APBA1: variants seen among roughly 807,000 people sequenced by gnomAD.
APBA1 encodes amyloid beta precursor protein binding family A member 1.
APBA1 carries 55 observed loss-of-function variants against 86.6 expected under a neutral mutation model. That is an observed-to-expected ratio of 0.64 (90% confidence interval 0.51 to 0.80). APBA1 has a LOEUF of 0.80. APBA1 is among the 30% of genes least tolerant of loss of function. APBA1 has a pLI of 0.00. For synonymous variants in APBA1, 511 were observed against 493.9 expected, an observed-to-expected ratio of 1.03 and a Z score of -0.46; for missense variants, 1,090 against 1,183.0, an observed-to-expected ratio of 0.92 and a Z score of 1.15.
intron 1 of APBA1, among the ~76,000 whole-genome samples, chr9:69,635,001 T>C (rs1823126197): frequency 6.6e-6 from 1 of 152,104 alleles, no homozygotes; most frequent in African/African-American, 2.4e-5. Context: ...GAAAGAAAAG[T>C]ATGCTAATGA....
intron 1 of APBA1, among the ~76,000 whole-genome samples, chr9:69,586,189 C>A (rs781043575): frequency 5.3e-5 from 8 of 152,184 alleles, no homozygotes; most frequent in African/African-American, 1.9e-4. Context: ...GCTTCTAGGG[C>A]TTGGCCTTTA....
At chr9:69,630,293 T>C (rs1402389994) in intron 1 of APBA1, among the ~76,000 whole-genome samples, 1 of 152,114 alleles carries the variant, frequency 6.6e-6, no homozygotes, top group African/African-American at 2.4e-5. Context: ...GCCAGCAACA[T>C]GGGCAGGGAC....
rs75437831 is a variant in APBA1 at position 69,662,957 on chromosome 9, T to C, written c.-70+9196A>G. Among the ~76,000 whole-genome samples the C allele has an allele frequency of 3.4e-3, 521 of 152,364 alleles. 2 individuals carry two copies. Among genetic ancestry groups the C allele is most frequent in the Non-Finnish European group, 4.9e-3 (330 of 68,032 alleles). ...TCAAAAATAAAGTTTCTCTCTGTGA[T>C]TACTGCATCATTTGTCCATACCACC... On this transcript the variant is annotated intron_variant, in intron 1 of 12. Coordinates refer to ENST00000265381, the MANE Select transcript of APBA1 (RefSeq NM_001163.4).
intron 3 of APBA1, among the ~76,000 whole-genome samples, chr9:69,473,433 TGA>T (rs1239875416): frequency 6.6e-6 from 1 of 152,212 alleles, no homozygotes; most frequent in African/African-American, 2.4e-5. Context: ...CCTGGGGTAA[TGA>T]GAGTTTGTTT....
chr9:69,660,622 C>T (rs1388777252), intron 1 of APBA1, among the ~76,000 whole-genome samples: 3 of 152,242 alleles, frequency 2.0e-5, no homozygotes, highest in South Asian at 2.1e-4. Context: ...TATTTAATCA[C>T]AAAATCTTAA....
In APBA1 at chr9:69,616,593, C is replaced by T. The variant is rs1048382464; in HGVS notation, c.-70+55560G>A. Among the ~76,000 whole-genome samples the T allele has an allele frequency of 2.0e-5, 3 of 152,266 alleles. No individual in the cohort carries two copies. In the East Asian group the frequency reaches 5.8e-4, roughly 29 times the overall value. Reference sequence around the variant, plus strand: ...AGCACTTTGAAATGAGAGCTAATGCCTACAGAACAGATAAAATTGAACTTA... The same window carrying T: ...AGCACTTTGAAATGAGAGCTAATGCTTACAGAACAGATAAAATTGAACTTA... On this transcript the variant is annotated intron_variant, in intron 1 of 12. Transcript: ENST00000265381.
intron 1 of APBA1, among the ~76,000 whole-genome samples, chr9:69,638,499 C>T (rs1170840151): frequency 6.6e-6 from 1 of 152,162 alleles, no homozygotes; most frequent in Non-Finnish European, 1.5e-5. Flanking sequence ...CCTCGACCTC[C>T]CAAAGTGCTG....
chr9:69,643,307 C>T (rs1274285479), intron 1 of APBA1, among the ~76,000 whole-genome samples: 2 of 152,170 alleles, frequency 1.3e-5, no homozygotes, highest in Non-Finnish European at 2.9e-5. Context: ...TCAATAACCT[C>T]TTTTCCACAC....
At chr9:69,565,364 AC>A in intron 1 of APBA1, among the ~76,000 whole-genome samples, 1 of 152,120 alleles carries the variant, frequency 6.6e-6, no homozygotes, top group African/African-American at 2.4e-5. Flanking sequence ...ATTTACATAC[AC>A]GGCTGGTGAG....
Position 69,516,495 on chromosome 9 carries a change from T to A in APBA1, c.716A>T (p.Asp239Val). ...EALGARLHHY[D>V]ERSDGESDSP... is the part of the protein sequence containing the mutation. The stretch of plus-strand genomic sequence containing the variant: ...GTCGGACTCGCCGTCGGAGCGCTCG[T>A]CGTAATGGTGCAGCCGCGCGCCCAG... The change falls in exon 2 of 13, where the codon GAC becomes GTC. Residue 239 changes from aspartate (D) to valine (V), a missense_variant. By Grantham distance (152) the Asp-to-Val change is radical (BLOSUM62 -3). Around this residue, in one of 6 missense-constraint regions of APBA1, gnomAD observed 678 missense variants for 647.1 expected, o/e 1.05. Coordinates refer to ENST00000265381, the MANE Select transcript of APBA1 (RefSeq NM_001163.4). This position sits in a 1 kb window ranked among gnomAD's most constrained non-coding sequence, Gnocchi z 7.3. 1.9e-6 allele frequency: 3 copies of A among 1,598,812 alleles called. No homozygotes were observed. The highest frequency in any genetic ancestry group is 2.5e-6 in the Non-Finnish European group (3 of 1,178,066).
At chr9:69,537,511 C>T (rs112305986) in intron 1 of APBA1, among the ~76,000 whole-genome samples, 14 of 152,110 alleles carry the variant, frequency 9.2e-5, no homozygotes, top group African/African-American at 3.4e-4. Flanking sequence ...GGCCAACAGA[C>T]CCACTTCCTT....
intron 1 of APBA1, among the ~76,000 whole-genome samples, chr9:69,600,404 T>C (rs763424698): frequency 4.2e-4 from 64 of 152,204 alleles, no homozygotes; most frequent in Admixed American, 2.2e-3. Context: ...TGAAAAGATG[T>C]AAGCAGAAGC....
chr9:69,501,223 G>A (rs1356127805), intron 2 of APBA1, among the ~76,000 whole-genome samples: 1 of 152,050 alleles, frequency 6.6e-6, no homozygotes, highest in Admixed American at 6.5e-5. Context: ...CTCTCTTATC[G>A]CCGCTCTTAA....
chr9:69,537,788 T>G (rs1836537069), intron 1 of APBA1, among the ~76,000 whole-genome samples: 1 of 152,088 alleles, frequency 6.6e-6, no homozygotes, highest in Non-Finnish European at 1.5e-5. Context: ...CTGAGTTGTT[T>G]TTTTTTTAAA....
intron 1 of APBA1, among the ~76,000 whole-genome samples, chr9:69,605,302 A>G (rs887173362): frequency 1.3e-5 from 2 of 152,228 alleles, no homozygotes; most frequent in Non-Finnish European, 2.9e-5. Context: ...TCCCCAGAGC[A>G]AACTAAAAAG....
chr9:69,606,479 CTTTTTTTTTTTT>C (rs35083481), intron 1 of APBA1, among the ~76,000 whole-genome samples: 3,139 of 51,002 alleles, frequency 0.062, 87 homozygotes, highest in African/African-American at 0.1. Context: ...AGGGAGCTAG[CTTTTTTTTTTTT>C]TTTTTTTTTT....
intron 1 of APBA1, among the ~76,000 whole-genome samples, chr9:69,667,928 G>A (rs1588420679): frequency 2.0e-5 from 3 of 152,038 alleles, no homozygotes; most frequent in African/African-American, 7.2e-5. Flanking sequence ...TGGTTGCACC[G>A]TCACCCATGG....
chr9:69,456,453 C>T (rs766858258), intron 7 of APBA1, 21 bp from the exon 8 acceptor site: 2 of 1,562,820 alleles, frequency 1.3e-6, no homozygotes, highest in Non-Finnish European at 8.7e-7. Flanking sequence ...GAAGAGAGGG[C>T]GGGTAAGTCC....
intron 5 of APBA1, chr9:69,461,870 TTGAGATAATGCATG>T (rs1456492419): frequency 6.6e-6 from 1 of 152,166 alleles, no homozygotes; most frequent in East Asian, 1.9e-4. Context: ...GTAAATGAGA[TTGAGATAATGCATG>T]TGAAGGGCCT....
Sources: gnomAD v4.1 joint callset for allele counts (sites outside exome capture counted in the v4.1 genomes callset) on GRCh38, gnomAD v4.1.1 for gene constraint, gnomAD v4.1.1 regional missense constraint, Gnocchi (gnomAD v3.1) non-coding constraint, MANE v1.5 for transcripts, NCBI Gene and HGNC (gene_info 2026-07-23, HGNC 2026-07-21) for gene names.